ERBB4: variants seen among roughly 807,000 people sequenced by gnomAD.
ERBB4 encodes receptor tyrosine-protein kinase erbB-4.
ERBB4 carries 42 observed loss-of-function variants against 158.0 expected under a neutral mutation model. That is an observed-to-expected ratio of 0.27 (90% CI 0.21 to 0.34). The LOEUF (loss-of-function observed/expected upper bound fraction) is 0.34. Among genes scored for constraint, ERBB4 ranks in the 10% least tolerant of loss-of-function variants. ERBB4 has a pLI of 1.00. For synonymous variants in ERBB4, 583 were observed against 558.7 expected (o/e 1.04, Z -0.61); for missense variants, 1,333 against 1,624.1 (o/e 0.82, Z 3.08).
chr2:212,523,476 ATGAT>A (rs1386358152), intron 1 of ERBB4, among the ~76,000 whole-genome samples: 3 of 152,038 alleles, frequency 2.0e-5, no homozygotes, highest in Non-Finnish European at 2.9e-5. Context: ...TAAATTGAGA[ATGAT>A]TAATTGGTGA....
intron 2 of ERBB4, among the ~76,000 whole-genome samples, chr2:211,973,303 G>T (rs1266172265): frequency 6.6e-6 from 1 of 151,652 alleles, no homozygotes; most frequent in Non-Finnish European, 1.5e-5. Flanking sequence ...CCAGGTTCAT[G>T]CCATTCTCCT....
At chr2:211,603,434 C>T (rs987488336) in intron 19 of ERBB4, among the ~76,000 whole-genome samples, 1 of 151,838 alleles carries the variant, frequency 6.6e-6, no homozygotes, top group Non-Finnish European at 1.5e-5. Flanking sequence ...GTGAACAACA[C>T]CTACATAGCA....
chr2:211,665,271 T>C (rs1296921431), intron 15 of ERBB4, 52 bp downstream of exon 15: 2 of 1,570,220 alleles, frequency 1.3e-6, no homozygotes, highest in African/African-American at 1.4e-5. Flanking sequence ...GGGATAAAGA[T>C]ACATGTGGAT....
In ERBB4 at chr2:211,522,126, T is replaced by G. The variant is rs73073165; in HGVS notation, c.2487+39777A>C. 2.7e-3 allele frequency among the ~76,000 whole-genome samples: 416 copies of G among 152,294 alleles called. 2 individuals are homozygous for G. Among genetic ancestry groups the G allele is most frequent in the African/African-American group, 9.5e-3 (397 of 41,580 alleles). ...AGGGTATAACTACCACAGATAATGA[T>G]TCCCTGATTGATCTGGACAAAGTAA... On this transcript the variant is annotated intron_variant, in intron 20 of 27. Coordinates refer to ENST00000342788, the MANE Select transcript of ERBB4 (RefSeq NM_005235.3).
intron 2 of ERBB4, among the ~76,000 whole-genome samples, chr2:212,037,837 T>C (rs749834993): frequency 6.6e-6 from 1 of 152,142 alleles, no homozygotes; most frequent in Non-Finnish European, 1.5e-5. Context: ...TAAAAACATC[T>C]AGACCAAACA....
chr2:211,446,911 A>G (rs1430539020), intron 20 of ERBB4, among the ~76,000 whole-genome samples: 2 of 152,158 alleles, frequency 1.3e-5, no homozygotes, highest in Non-Finnish European at 2.9e-5. Context: ...TATCTATCAT[A>G]TATTTTTGAA....
At chr2:211,402,869 C>T (rs1300081608) in intron 25 of ERBB4, among the ~76,000 whole-genome samples, 3 of 151,898 alleles carry the variant, frequency 2.0e-5, no homozygotes, top group Non-Finnish European at 2.9e-5. Flanking sequence ...CACTAACATG[C>T]TATTTGAAAC....
intron 4 of ERBB4, 27 bp downstream of exon 4, chr2:211,787,998 G>T (rs1452300261): frequency 2.2e-5 from 35 of 1,609,572 alleles, no homozygotes; most frequent in Non-Finnish European, 3.0e-5. Context: ...AACATTTTGA[G>T]AAATTAAAAA....
chr2:212,317,112 A>G (rs542531204), intron 1 of ERBB4, among the ~76,000 whole-genome samples: 6 of 151,666 alleles, frequency 4.0e-5, no homozygotes, highest in African/African-American at 7.2e-5. Context: ...AGAAAAACTC[A>G]CAATGTCCCA....
intron 20 of ERBB4, among the ~76,000 whole-genome samples, chr2:211,436,224 T>TCAAA (rs1443101687): frequency 4.5e-4 from 68 of 152,344 alleles, no homozygotes; most frequent in African/African-American, 1.3e-3. Flanking sequence ...TGATTGACAT[T>TCAAA]TTTTAATTTA....
Position 211,978,363 on chromosome 2 carries a change from A to AGTGAGTCTGTCT in ERBB4, c.235-30748_235-30747insAGACAGACTCAC, listed in dbSNP as rs1553523368. On this transcript the variant is annotated intron_variant, in intron 2 of 27. Transcript: ENST00000342788. ...GGAGCCAGAAAGTGAAAGGAGTCTG[A>AGTGAGTCTGTCT]GTCTGTCTGTCTGTCTGTCTGTCTG... Among the ~76,000 whole-genome samples the AGTGAGTCTGTCT allele has an allele frequency of 1.3e-4, 17 of 135,270 alleles. No individual in the cohort carries two copies. The East Asian group carries it at 3.8e-3, about 30-fold the overall frequency. The allele number at this position is 135,270 out of a possible 152,430, so 88.7% of individuals were successfully genotyped here.
chr2:211,438,999 T>TGA (rs1352422854), intron 20 of ERBB4, among the ~76,000 whole-genome samples: 1 of 151,776 alleles, frequency 6.6e-6, no homozygotes, highest in African/African-American at 2.4e-5. Flanking sequence ...AGTGTGTGTG[T>TGA]GTGTGTGTGT....
chr2:212,102,090 T>TTATATATATATA lies in ERBB4; in HGVS notation c.234+22650_234+22661dup, dbSNP rs57567965. On this transcript the variant is annotated intron_variant, in intron 2 of 27. Transcript: ENST00000342788. ...AAATCATATACGTTGAAAATTTATT[T>TTATATATATATA]TATATATATATATATATATATATGT... is the stretch of plus-strand genomic sequence containing the variant. 5.8e-3 allele frequency among the ~76,000 whole-genome samples: 623 copies of TTATATATATATA among 107,968 alleles called. 20 individuals carry two copies. Among genetic ancestry groups the TTATATATATATA allele is most frequent in the African/African-American group, 7.7e-3 (262 of 34,136 alleles). 70.8% of individuals were successfully genotyped at this position (107,968 alleles called of 152,430 possible).
intron 1 of ERBB4, among the ~76,000 whole-genome samples, chr2:212,448,904 T>C (rs567434599): frequency 6.6e-6 from 1 of 152,310 alleles, no homozygotes; most frequent in East Asian, 1.9e-4. Flanking sequence ...ATTTGGACTT[T>C]GTAGCTTGTG....
chr2:211,901,671 C>T (rs7557155), intron 3 of ERBB4, among the ~76,000 whole-genome samples: 5 of 152,044 alleles, frequency 3.3e-5, no homozygotes, highest in South Asian at 2.1e-4. Context: ...TCGCATATAA[C>T]GGGAGTGTTT....
intron 4 of ERBB4, among the ~76,000 whole-genome samples, chr2:211,769,309 T>C (rs2075633657): frequency 1.3e-5 from 2 of 152,178 alleles, no homozygotes; most frequent in South Asian, 2.1e-4. Context: ...CTCTGGGAAG[T>C]TGCAAACTTT....
At chr2:211,937,700 G>A (rs1374883041) in intron 3 of ERBB4, among the ~76,000 whole-genome samples, 1 of 152,162 alleles carries the variant, frequency 6.6e-6, no homozygotes, top group East Asian at 1.9e-4. Flanking sequence ...AAAACCATCA[G>A]CTCTTGTGAG....
At chr2:211,489,705 G>A (rs570389647) in intron 20 of ERBB4, among the ~76,000 whole-genome samples, 1 of 151,920 alleles carries the variant, frequency 6.6e-6, no homozygotes, top group African/African-American at 2.4e-5. Context: ...TATTTCAACT[G>A]CATTCATATG....
At chr2:211,384,651 A>T (rs1015819603) in intron 27 of ERBB4, among the ~76,000 whole-genome samples, 1 of 152,076 alleles carries the variant, frequency 6.6e-6, no homozygotes, top group Non-Finnish European at 1.5e-5. Flanking sequence ...AATTCAACTA[A>T]AAAAGCAAAT....
Sources: gnomAD v4.1 joint callset for allele counts (sites outside exome capture counted in the v4.1 genomes callset) on GRCh38, gnomAD v4.1.1 for gene constraint, MANE v1.5 for transcripts, NCBI Gene and HGNC (gene_info 2026-07-23, HGNC 2026-07-21) for gene names.